Variants in SEMA3D observed in about 807,000 individuals in gnomAD.
SEMA3D encodes the protein semaphorin-3D.
In SEMA3D, 84 loss-of-function variants were observed where a neutral mutation model predicts 100.1. The observed-to-expected ratio is 0.84, with a 90% confidence interval of 0.70 to 1.01. SEMA3D has a LOEUF of 1.01. SEMA3D is among the 50% of genes least tolerant of loss of function. The pLI, the probability that SEMA3D is intolerant of heterozygous loss-of-function variation, is 0.00. For synonymous variants in SEMA3D, 312 were observed against 320.7 expected (o/e 0.97, Z 0.29); for missense variants, 875 against 934.1 (o/e 0.94, Z 0.82).
chr7:85,067,280 ATTGTT>A (rs1180379901), intron 7 of SEMA3D, among the ~76,000 whole-genome samples: 2 of 152,110 alleles, frequency 1.3e-5, no homozygotes, highest in Non-Finnish European at 2.9e-5. Flanking sequence ...CCGCCAATCT[ATTGTT>A]TTGTTTTGTT....
chr7:85,119,115 A>G (rs1316656534), intron 3 of SEMA3D, among the ~76,000 whole-genome samples: 2 of 152,304 alleles, frequency 1.3e-5, no homozygotes, highest in Non-Finnish European at 2.9e-5. Context: ...GTCAAAAATA[A>G]CAGATGCTGG....
chr7:85,199,825 G>C, the SEMA3D span, among the ~76,000 whole-genome samples: 2 of 152,052 alleles, frequency 1.3e-5, no homozygotes, highest in African/African-American at 4.8e-5. Context: ...TGGTTTGGCT[G>C]TGTCCCCACA....
intron 4 of SEMA3D, among the ~76,000 whole-genome samples, chr7:85,093,091 A>ACC (rs1788445145): frequency 1.3e-5 from 2 of 152,050 alleles, no homozygotes; most frequent in African/African-American, 4.8e-5. Context: ...TGGCTGAGAA[A>ACC]ACTTTTATGT....
the SEMA3D span, among the ~76,000 whole-genome samples, chr7:85,218,480 T>A: frequency 6.6e-6 from 1 of 152,114 alleles, no homozygotes; most frequent in African/African-American, 2.4e-5. Context: ...ATTTTGGGTA[T>A]TTTTATATAA....
At chr7:85,055,639 CATATACATATAT>C (rs1426415640) in intron 9 of SEMA3D, 66 bp downstream of exon 9, 3 of 164,896 alleles carry the variant, frequency 1.8e-5, no homozygotes, top group African/African-American at 1.1e-4. Flanking sequence ...AAAGTTTTTT[CATATACATATAT>C]ATATATATAT....
intron 3 of SEMA3D, among the ~76,000 whole-genome samples, chr7:85,106,950 G>A (rs1302712204): frequency 2.0e-5 from 3 of 151,978 alleles, no homozygotes; most frequent in African/African-American, 4.8e-5. Context: ...TGGGGATTAC[G>A]GGAACTACAA....
chr7:85,134,196 A>G (rs1789798325), intron 2 of SEMA3D, among the ~76,000 whole-genome samples: 1 of 152,008 alleles, frequency 6.6e-6, no homozygotes, highest in Non-Finnish European at 1.5e-5. Context: ...TGGATGTGGA[A>G]ATTGTTAGAC....
chr7:85,090,570 C>A (rs2116278847), intron 4 of SEMA3D, among the ~76,000 whole-genome samples: 1 of 152,218 alleles, frequency 6.6e-6, no homozygotes, highest in Admixed American at 6.5e-5. Context: ...TTTTGTTTTA[C>A]AAATAATTTG....
At chr7:85,044,957 A>G (rs1790965195) in intron 9 of SEMA3D, among the ~76,000 whole-genome samples, 1 of 152,056 alleles carries the variant, frequency 6.6e-6, no homozygotes, top group Non-Finnish European at 1.5e-5. Context: ...TTGAATGAAG[A>G]CATGATTAAT....
At chr7:85,202,422 T>C in the SEMA3D span, among the ~76,000 whole-genome samples, 1 of 151,956 alleles carries the variant, frequency 6.6e-6, no homozygotes, top group Non-Finnish European at 1.5e-5. Context: ...TATTCCATGG[T>C]GTATATGTGC....
intron 8 of SEMA3D, among the ~76,000 whole-genome samples, chr7:85,062,041 C>T (rs12531511): frequency 0.91 from 138,984 of 152,208 alleles, 63,678 homozygotes; most frequent in East Asian, 1. Flanking sequence ...GAGCAGGGGA[C>T]ATGCCATCAA....
chr7:85,221,566 G>A, the SEMA3D span, among the ~76,000 whole-genome samples: 1 of 151,968 alleles, frequency 6.6e-6, no homozygotes, highest in Non-Finnish European at 1.5e-5. Context: ...TATGTTTAGT[G>A]TTCTCAAAAC....
intron 18 of SEMA3D, among the ~76,000 whole-genome samples, chr7:85,003,983 A>AT (rs899167972): frequency 6.6e-6 from 1 of 152,066 alleles, no homozygotes; most frequent in African/African-American, 2.4e-5. Flanking sequence ...TACTTCTAAG[A>AT]TTTTTTTCCT....
the SEMA3D span, among the ~76,000 whole-genome samples, chr7:85,195,896 T>A: frequency 6.6e-6 from 1 of 152,198 alleles, no homozygotes; most frequent in African/African-American, 2.4e-5. Context: ...TTTGTTTTAT[T>A]CAATTCCTTC....
Position 85,069,962 on chromosome 7 carries a change from T to C in SEMA3D, c.496-1678A>G, listed in dbSNP as rs6966302. ...TTTCTGTTATCTAGAAATGGATGAATGTTAAGTGACTAGAATGAAGCAAGT... is the reference window on the plus strand; with the variant it reads ...TTTCTGTTATCTAGAAATGGATGAACGTTAAGTGACTAGAATGAAGCAAGT... On this transcript the variant is annotated intron_variant, in intron 6 of 18. Transcript: ENST00000284136. 8.4e-3 allele frequency among the ~76,000 whole-genome samples: 1,281 copies of C among 152,330 alleles called. 25 individuals are homozygous for C. Among genetic ancestry groups the C allele is most frequent in the African/African-American group, 0.029 (1,211 of 41,572 alleles).
chr7:85,024,282 A>G (rs186998128), intron 12 of SEMA3D, among the ~76,000 whole-genome samples: 2 of 151,982 alleles, frequency 1.3e-5, no homozygotes, highest in Admixed American at 6.6e-5. Flanking sequence ...TTGGTGTATC[A>G]TTAAAATCAA....
chr7:85,144,046 T>A (rs1447511222), intron 2 of SEMA3D, among the ~76,000 whole-genome samples: 2 of 152,074 alleles, frequency 1.3e-5, no homozygotes, highest in Non-Finnish European at 2.9e-5. Context: ...TACAGTTATA[T>A]ATGAAAGTAA....
At chr7:85,008,785 ATTGTCC>A (rs1284953829) in intron 17 of SEMA3D, among the ~76,000 whole-genome samples, 1 of 151,736 alleles carries the variant, frequency 6.6e-6, no homozygotes, top group East Asian at 1.9e-4. Context: ...GCAACCACAG[ATTGTCC>A]ACATTGGTGG....
the SEMA3D span, among the ~76,000 whole-genome samples, chr7:85,223,625 G>A: frequency 2.0e-5 from 3 of 151,792 alleles, no homozygotes; most frequent in South Asian, 2.1e-4. Flanking sequence ...CAAGTTGGAC[G>A]GACTTGGAGA....
Sources: gnomAD v4.1 joint callset for allele counts (sites outside exome capture counted in the v4.1 genomes callset) on GRCh38, gnomAD v4.1.1 for gene constraint, MANE v1.5 for transcripts, NCBI Gene and HGNC (gene_info 2026-07-23, HGNC 2026-07-21) for gene names.